The following GPC5 variants were observed in gnomAD, a reference collection of about 807,000 sequenced individuals.
GPC5 encodes glypican-5.
A neutral mutation model predicts 53.9 loss-of-function variants in GPC5; 47 were observed. The ratio of observed to expected loss-of-function variants is 0.87; its 90% CI spans 0.69 to 1.11. The LOEUF is 1.11. Ranked by LOEUF, GPC5 falls within the 50% of genes most tolerant of loss-of-function variation. The probability of loss-of-function intolerance (pLI) is 0.00; values close to 1 mark genes in which losing one functional copy is unlikely to be tolerated. For synonymous variants in GPC5, 286 were observed against 263.3 expected (o/e 1.09, Z -0.84); for missense variants, 748 against 713.1 (o/e 1.05, Z -0.56).
intron 7 of GPC5, among the ~76,000 whole-genome samples, chr13:92,582,716 C>A (rs559664714): frequency 6.6e-6 from 1 of 151,934 alleles, no homozygotes; most frequent in African/African-American, 2.4e-5. Flanking sequence ...TCTTTCATAT[C>A]CCTGGTTAAA....
At chr13:92,326,353 T>A (rs1226363164) in intron 7 of GPC5, among the ~76,000 whole-genome samples, 1 of 152,104 alleles carries the variant, frequency 6.6e-6, no homozygotes, top group East Asian at 1.9e-4. Context: ...AACCTACATG[T>A]ATATAGCCTG....
Position 91,473,530 on chromosome 13 carries a change from G to C in GPC5, c.325+24608G>C, listed in dbSNP as rs114909360. Among the ~76,000 whole-genome samples, 1,193 of 152,134 alleles carry C rather than the reference G, an allele frequency of 7.8e-3. 14 individuals are homozygous for C. Among genetic ancestry groups the C allele is most frequent in the African/African-American group, 0.025 (1,055 of 41,500 alleles). On this transcript the variant is annotated intron_variant, in intron 2 of 7. Transcript: ENST00000377067. ...TTGTATGTTTAATTTCCATATATCT[G>C]ACTGCTGTAAAATTGTTGTACCAAA...
At chr13:92,511,067 G>T (rs1484843878) in intron 7 of GPC5, among the ~76,000 whole-genome samples, 1 of 152,176 alleles carries the variant, frequency 6.6e-6, no homozygotes, top group Non-Finnish European at 1.5e-5. Context: ...AAGACATAGA[G>T]AAAAGGATGG....
At chr13:92,067,232 G>C (rs1396033588) in intron 6 of GPC5, among the ~76,000 whole-genome samples, 1 of 151,976 alleles carries the variant, frequency 6.6e-6, no homozygotes, top group Non-Finnish European at 1.5e-5. Flanking sequence ...GAGTGAAATT[G>C]CCCATTTAAA....
intron 7 of GPC5, among the ~76,000 whole-genome samples, chr13:92,755,749 C>T (rs1359066717): frequency 7.3e-4 from 100 of 137,908 alleles, no homozygotes; most frequent in African/African-American, 2.5e-3. Context: ...ATAAATTCCT[C>T]GACACATACA....
intron 6 of GPC5, among the ~76,000 whole-genome samples, chr13:91,952,222 T>A (rs1175512223): frequency 2.0e-5 from 3 of 152,032 alleles, no homozygotes; most frequent in Non-Finnish European, 4.4e-5. Context: ...TATTTGTGCA[T>A]ACTTGTGCTC....
At chr13:92,594,623 C>T (rs187788633) in intron 7 of GPC5, among the ~76,000 whole-genome samples, 13 of 152,264 alleles carry the variant, frequency 8.5e-5, no homozygotes, top group African/African-American at 3.1e-4. Context: ...TCGTTGACAC[C>T]ATCCAATTTT....
At chr13:92,433,580 G>A (rs1339154593) in intron 7 of GPC5, among the ~76,000 whole-genome samples, 1 of 152,148 alleles carries the variant, frequency 6.6e-6, no homozygotes, top group Non-Finnish European at 1.5e-5. Context: ...TGCCGAGGAT[G>A]TCAAGCAGCT....
At chr13:91,543,414 A>G (rs1594231718) in intron 2 of GPC5, among the ~76,000 whole-genome samples, 1 of 152,318 alleles carries the variant, frequency 6.6e-6, no homozygotes, top group East Asian at 1.9e-4. Flanking sequence ...TATGAATTTT[A>G]CATGTCTTTT....
intron 2 of GPC5, among the ~76,000 whole-genome samples, chr13:91,550,745 C>T (rs1459337971): frequency 1.3e-5 from 2 of 151,910 alleles, no homozygotes; most frequent in Non-Finnish European, 2.9e-5. Flanking sequence ...TGTAATAATC[C>T]CACATGTCAA....
intron 5 of GPC5, among the ~76,000 whole-genome samples, chr13:91,827,802 C>G (rs2038597587): frequency 6.6e-6 from 1 of 152,006 alleles, no homozygotes; most frequent in African/African-American, 2.4e-5. Flanking sequence ...TAGTTATACA[C>G]ACCACTTACT....
intron 1 of GPC5, among the ~76,000 whole-genome samples, chr13:91,432,205 GTGTGTGTGTGTGT>G (rs1180935818): frequency 5.0e-4 from 60 of 119,558 alleles, no homozygotes; most frequent in African/African-American, 1.8e-3. Flanking sequence ...TGCTGCTGCT[GTGTGTGTGTGTGT>G]GTGTGTGTGT....
At chr13:92,138,882 G>C (rs1337824668) in intron 6 of GPC5, among the ~76,000 whole-genome samples, 7 of 151,974 alleles carry the variant, frequency 4.6e-5, no homozygotes, top group African/African-American at 1.7e-4. Flanking sequence ...TGATATCTCA[G>C]ATCATGAAGC....
At chr13:92,190,044 CT>C (rs1487396818) in intron 7 of GPC5, among the ~76,000 whole-genome samples, 1 of 152,130 alleles carries the variant, frequency 6.6e-6, no homozygotes, top group Non-Finnish European at 1.5e-5. Context: ...AAAACTACCC[CT>C]AGGCAGATTA....
At chr13:92,751,618 G>T (rs1889402099) in intron 7 of GPC5, among the ~76,000 whole-genome samples, 1 of 100,490 alleles carries the variant, frequency 1.0e-5, no homozygotes. Context: ...GAGGGGGGAG[G>T]GATAGCAGTA....
intron 7 of GPC5, among the ~76,000 whole-genome samples, chr13:92,556,437 CTT>C (rs1882496427): frequency 6.6e-6 from 1 of 151,498 alleles, no homozygotes; most frequent in African/African-American, 2.4e-5. Flanking sequence ...GACATTTTCT[CTT>C]TTTTAAAGTG....
intron 5 of GPC5, among the ~76,000 whole-genome samples, chr13:91,832,764 G>C (rs1211035291): frequency 6.6e-6 from 1 of 152,046 alleles, no homozygotes; most frequent in East Asian, 1.9e-4. Context: ...GAAATTTATA[G>C]CACTAAATGC....
At chr13:92,134,413 C>A (rs563884998) in intron 6 of GPC5, among the ~76,000 whole-genome samples, 4 of 152,010 alleles carry the variant, frequency 2.6e-5, no homozygotes, top group Non-Finnish European at 5.9e-5. Flanking sequence ...CAAATATATA[C>A]GTTAAAATGT....
chr13:92,581,374 T>C (rs931058168), intron 7 of GPC5, among the ~76,000 whole-genome samples: 1 of 152,220 alleles, frequency 6.6e-6, no homozygotes, highest in African/African-American at 2.4e-5. Context: ...TCCATATTTA[T>C]TCATTTCATT....
Sources: gnomAD v4.1 joint callset for allele counts (sites outside exome capture counted in the v4.1 genomes callset) on GRCh38, gnomAD v4.1.1 for gene constraint, MANE v1.5 for transcripts, NCBI Gene and HGNC (gene_info 2026-07-23, HGNC 2026-07-21) for gene names.